The following CFAP299 variants were observed in gnomAD, a reference collection of about 807,000 sequenced individuals.
CFAP299 encodes the protein cilia and flagella associated protein 299, also known as cilia- and flagella-associated protein 299.
A neutral mutation model predicts 27.0 loss-of-function variants in CFAP299; 21 were observed. The observed-to-expected ratio is 0.78, with a 90% CI of 0.55 to 1.12. CFAP299 has a LOEUF of 1.12. Ranked by LOEUF, CFAP299 falls within the 50% of genes most tolerant of loss-of-function variation. CFAP299 has a pLI of 0.00. For missense variants in CFAP299, 310 were observed against 276.6 expected (o/e 1.12, Z -0.86); for synonymous variants, 104 against 98.1 (o/e 1.06, Z -0.36).
intron 2 of CFAP299, among the ~76,000 whole-genome samples, chr4:80,404,249 C>A (rs969877276): frequency 5.3e-5 from 8 of 151,904 alleles, no homozygotes; most frequent in Non-Finnish European, 1.0e-4. Context: ...CACACACACA[C>A]AATATAATTC....
At chr4:80,695,674 C>CTT (rs5859732) in intron 3 of CFAP299, among the ~76,000 whole-genome samples, 1,689 of 136,870 alleles carry the variant, frequency 0.012, 21 homozygotes, top group Middle Eastern at 0.031. Context: ...CCTTATCATC[C>CTT]TTTTTTTTTT....
chr4:80,937,308 C>CTTTTTTTT (rs1736948672), intron 4 of CFAP299, among the ~76,000 whole-genome samples: 3 of 90,800 alleles, frequency 3.3e-5, no homozygotes, highest in African/African-American at 1.0e-4. Context: ...CTTTTTTTTT[C>CTTTTTTTT]TTTCTTTTTT....
intron 2 of CFAP299, among the ~76,000 whole-genome samples, chr4:80,514,995 A>C (rs944809940): frequency 6.6e-5 from 10 of 152,162 alleles, no homozygotes; most frequent in African/African-American, 2.4e-4. Flanking sequence ...TGTCTATTCT[A>C]ATAGAAAGAA....
intron 3 of CFAP299, among the ~76,000 whole-genome samples, chr4:80,704,069 G>A (rs1721676101): frequency 6.6e-6 from 1 of 151,688 alleles, no homozygotes; most frequent in Non-Finnish European, 1.5e-5. Context: ...TAGTAGAGAA[G>A]AGAAGATTGT....
chr4:80,758,443 G>A (rs1315766315), intron 3 of CFAP299, among the ~76,000 whole-genome samples: 2 of 152,110 alleles, frequency 1.3e-5, no homozygotes, highest in Non-Finnish European at 2.9e-5. Flanking sequence ...TATGGGCATA[G>A]GATGGGGGGA....
chr4:80,579,113 G>T (rs1312159270), intron 2 of CFAP299, among the ~76,000 whole-genome samples: 1 of 152,150 alleles, frequency 6.6e-6, no homozygotes, highest in African/African-American at 2.4e-5. Flanking sequence ...TTCAGCTGGT[G>T]TCACTCAAGG....
chr4:80,403,279 G>A (rs940102663), intron 2 of CFAP299, among the ~76,000 whole-genome samples: 2 of 152,106 alleles, frequency 1.3e-5, no homozygotes, highest in African/African-American at 2.4e-5. Context: ...TTACATAAGT[G>A]CTGAAAAAAA....
At chr4:80,653,938 T>G (rs945813865) in intron 3 of CFAP299, among the ~76,000 whole-genome samples, 12 of 152,142 alleles carry the variant, frequency 7.9e-5, no homozygotes, top group Non-Finnish European at 1.5e-5. Flanking sequence ...TTCATACATC[T>G]TTAATATGTG....
At chr4:80,935,223 C>T (rs1290216815) in intron 4 of CFAP299, among the ~76,000 whole-genome samples, 2 of 151,928 alleles carry the variant, frequency 1.3e-5, no homozygotes, top group African/African-American at 4.8e-5. Context: ...ATCATTGTGT[C>T]AGAAACTGTA....
chr4:80,567,395 C>T (rs1735356436), intron 2 of CFAP299, among the ~76,000 whole-genome samples: 1 of 151,934 alleles, frequency 6.6e-6, no homozygotes, highest in Non-Finnish European at 1.5e-5. Context: ...AATTGATGAC[C>T]TCTTGGAATT....
At chr4:80,919,443 G>T (rs142952997) in intron 4 of CFAP299, among the ~76,000 whole-genome samples, 46 of 152,222 alleles carry the variant, frequency 3.0e-4, no homozygotes, top group African/African-American at 1.0e-3. Flanking sequence ...TATAATTCAA[G>T]TGTATAGAAT....
intron 3 of CFAP299, among the ~76,000 whole-genome samples, chr4:80,710,293 G>A (rs1217492005): frequency 6.6e-6 from 1 of 152,030 alleles, no homozygotes; most frequent in Non-Finnish European, 1.5e-5. Context: ...GCAGAAACCA[G>A]AAAAGGAAAT....
At chr4:80,676,728 A>T (rs1380665400) in intron 3 of CFAP299, among the ~76,000 whole-genome samples, 1 of 152,004 alleles carries the variant, frequency 6.6e-6, no homozygotes, top group African/African-American at 2.4e-5. Context: ...AGGTTTTCCA[A>T]TGTATTGGCA....
intron 3 of CFAP299, among the ~76,000 whole-genome samples, chr4:80,821,855 G>A (rs976436329): frequency 6.6e-6 from 1 of 151,958 alleles, no homozygotes; most frequent in African/African-American, 2.4e-5. Context: ...TTTTGATGGG[G>A]AGGTGGATGC....
At chr4:80,747,969 A>C (rs542352698) in intron 3 of CFAP299, among the ~76,000 whole-genome samples, 2 of 152,150 alleles carry the variant, frequency 1.3e-5, no homozygotes, top group African/African-American at 2.4e-5. Context: ...CTGATTTACA[A>C]ACCCAATTGG....
rs373935668 is a variant in CFAP299, at chr4:80,657,961, G to A, written c.333+74778G>A. ...AGGTCCTTCACATCCTTTGTAAGAT[G>A]TATGCCTAGGTATTTTATTCTCTTT... On this transcript the variant is annotated intron_variant, in intron 3 of 5. Transcript: ENST00000358105. Among the ~76,000 whole-genome samples, 16 of 152,208 alleles carry A rather than the reference G, an allele frequency of 1.1e-4. No homozygotes were observed. In the East Asian group the frequency reaches 2.7e-3, roughly 26 times the overall value.
intron 4 of CFAP299, among the ~76,000 whole-genome samples, chr4:80,890,843 G>C (rs1433356082): frequency 2.1e-5 from 3 of 141,958 alleles, no homozygotes; most frequent in Non-Finnish European, 4.6e-5. Flanking sequence ...GTGTTTTTTG[G>C]CTGCATAAAT....
intron 4 of CFAP299, among the ~76,000 whole-genome samples, chr4:80,936,409 A>G (rs949023305): frequency 6.6e-6 from 1 of 152,146 alleles, no homozygotes; most frequent in African/African-American, 2.4e-5. Context: ...AGTAAACAAG[A>G]TAAAGAAAAC....
intron 3 of CFAP299, among the ~76,000 whole-genome samples, chr4:80,736,925 AATG>A (rs1252679838): frequency 1.3e-5 from 2 of 152,214 alleles, no homozygotes; most frequent in Admixed American, 6.5e-5. Flanking sequence ...AATGTCCAAC[AATG>A]ATAGACTGGA....
Sources: allele counts gnomAD v4.1 joint callset (sites outside exome capture counted in the v4.1 genomes callset), GRCh38; gene constraint gnomAD v4.1.1; transcripts MANE v1.5; gene names NCBI Gene and HGNC (gene_info 2026-07-23, HGNC 2026-07-21).